Variants in C1orf21 observed in about 807,000 individuals in gnomAD.
C1orf21 encodes the protein uncharacterized protein C1orf21.
A neutral mutation model predicts 18.7 loss-of-function variants in C1orf21; 3 were observed. The observed-to-expected ratio is 0.16, with a 90% CI of 0.07 to 0.42. C1orf21 has a LOEUF of 0.42. Ranked by LOEUF, C1orf21 falls within the 10% of genes least tolerant of loss-of-function variation. The probability of loss-of-function intolerance (pLI) is 0.99; values close to 1 mark genes in which losing one functional copy is unlikely to be tolerated. For missense variants in C1orf21, 104 were observed against 143.6 expected (o/e 0.72, Z 1.41); for synonymous variants, 41 against 46.4 (o/e 0.88, Z 0.47).
chr1:184,595,404 T>C (rs1308307905), intron 4 of C1orf21, among the ~76,000 whole-genome samples: 1 of 152,218 alleles, frequency 6.6e-6, no homozygotes, highest in Non-Finnish European at 1.5e-5. Context: ...ATCAAGTCTT[T>C]ATGCAGGAAC....
chr1:184,525,496 T>C (rs1442626043), intron 3 of C1orf21, among the ~76,000 whole-genome samples: 2 of 152,124 alleles, frequency 1.3e-5, no homozygotes, highest in African/African-American at 4.8e-5. Context: ...GGGTTCCGAC[T>C]GTATAATCAA....
intron 2 of C1orf21, among the ~76,000 whole-genome samples, chr1:184,503,166 GGAAGGAACT>G (rs1434070774): frequency 1.3e-5 from 2 of 150,984 alleles, no homozygotes; most frequent in Non-Finnish European, 2.9e-5. Flanking sequence ...AGCAAACTCT[GGAAGGAACT>G]GAGAATATTT....
At chr1:184,590,713 C>G (rs372714212) in intron 3 of C1orf21, 26 bp from the exon 4 acceptor site, 49 of 1,583,162 alleles carry the variant, frequency 3.1e-5, no homozygotes, top group African/African-American at 5.4e-5. Context: ...TCCTGTCTTT[C>G]ACATGTCTGT....
chr1:184,502,775 T>C (rs1657996354), intron 2 of C1orf21, among the ~76,000 whole-genome samples: 1 of 152,106 alleles, frequency 6.6e-6, no homozygotes, highest in South Asian at 2.1e-4. Context: ...ATCATATTTT[T>C]AGATTATTAG....
chr1:184,410,872 G>A (rs1008273536), intron 1 of C1orf21, among the ~76,000 whole-genome samples: 4 of 148,672 alleles, frequency 2.7e-5, no homozygotes, highest in Non-Finnish European at 3.0e-5. Flanking sequence ...GGCTGGTCTC[G>A]CTCTCCTGAC....
At chr1:184,575,033 G>A (rs1659167780) in intron 3 of C1orf21, among the ~76,000 whole-genome samples, 1 of 152,092 alleles carries the variant, frequency 6.6e-6, no homozygotes, top group Admixed American at 6.5e-5. Context: ...AAGAAACTCG[G>A]GGCTCAACAC....
chr1:184,472,721 A>G (rs1355811670), intron 1 of C1orf21, among the ~76,000 whole-genome samples: 1 of 152,178 alleles, frequency 6.6e-6, no homozygotes, highest in East Asian at 1.9e-4. Context: ...AATTATTATA[A>G]TCTTTCCTTA....
intron 3 of C1orf21, among the ~76,000 whole-genome samples, chr1:184,520,882 T>C (rs1658296812): frequency 6.6e-6 from 1 of 152,136 alleles, no homozygotes; most frequent in South Asian, 2.1e-4. Flanking sequence ...CTAATATAAA[T>C]AGAAATACAG....
chr1:184,510,762 A>T (rs1301141206), intron 3 of C1orf21, among the ~76,000 whole-genome samples: 1 of 152,064 alleles, frequency 6.6e-6, no homozygotes, highest in Non-Finnish European at 1.5e-5. Flanking sequence ...AGTGGATTAA[A>T]TGGAGGCTTT....
chr1:184,558,051 C>T (rs1238831948), intron 3 of C1orf21, among the ~76,000 whole-genome samples: 1 of 152,158 alleles, frequency 6.6e-6, no homozygotes, highest in African/African-American at 2.4e-5. Context: ...CATTTATATC[C>T]TGCTTTACCG....
rs573487051 is a variant in C1orf21 at position 184,603,785 on chromosome 1, G to C, written c.327+5324G>C. The stretch of plus-strand genomic sequence containing the variant: ...CCCTCCAGCCTGGGCGACAGAGCAA[G>C]ACTCCGTGTCAAAAAAGTAAATAAA... On this transcript the variant is annotated intron_variant, in intron 5 of 5. Transcript: ENST00000235307. 5.3e-5 allele frequency among the ~76,000 whole-genome samples: 8 copies of C among 152,328 alleles called. No homozygotes were observed. The East Asian group carries it at 1.5e-3, about 29-fold the overall frequency.
chr1:184,470,419 C>G (rs1228333212), intron 1 of C1orf21, among the ~76,000 whole-genome samples: 2 of 152,164 alleles, frequency 1.3e-5, no homozygotes, highest in African/African-American at 4.8e-5. Flanking sequence ...AAGATACTAA[C>G]AAGGAAATCA....
chr1:184,527,129 A>G (rs975376164), intron 3 of C1orf21, among the ~76,000 whole-genome samples: 1 of 152,212 alleles, frequency 6.6e-6, no homozygotes, highest in Non-Finnish European at 1.5e-5. Context: ...AGTATCGAGA[A>G]ATACCATGTC....
Position 184,625,579 on chromosome 1 carries a change from C to T in C1orf21, c.*6023C>T, listed in dbSNP as rs978179095. The T allele has an allele frequency of 6.6e-6, 1 of 152,500 alleles. No homozygotes were observed. The highest frequency in any genetic ancestry group is 1.5e-5 in the Non-Finnish European group (1 of 68,020). The allele number at this position is 152,500 out of a possible 1,614,324, so 9.4% of individuals were successfully genotyped here. On this transcript the variant is annotated 3_prime_UTR_variant, in exon 6 of 6. Transcript: ENST00000235307. The stretch of plus-strand genomic sequence containing the variant: ...GCATACATACATATACAGAGAGATA[C>T]GTGGAGAAAGGAAATTTACTCTATC...
At chr1:184,456,068 G>T (rs1273917380) in intron 1 of C1orf21, among the ~76,000 whole-genome samples, 1 of 152,154 alleles carries the variant, frequency 6.6e-6, no homozygotes, top group Non-Finnish European at 1.5e-5. Flanking sequence ...CCTCCTCACA[G>T]AATGTTAAAG....
At chr1:184,606,750 C>T (rs923839043) in intron 5 of C1orf21, among the ~76,000 whole-genome samples, 1 of 152,076 alleles carries the variant, frequency 6.6e-6, no homozygotes, top group African/African-American at 2.4e-5. Flanking sequence ...TGAGCCAGGG[C>T]CATGAGAGGC....
chr1:184,567,522 T>C, intron 3 of C1orf21: 1 of 528,374 alleles, frequency 1.9e-6, no homozygotes, highest in Non-Finnish European at 3.8e-6. Flanking sequence ...TCTAACACCA[T>C]CCTCCTTGAC....
chr1:184,562,329 C>T (rs1265141246), intron 3 of C1orf21, among the ~76,000 whole-genome samples: 1 of 152,182 alleles, frequency 6.6e-6, no homozygotes, highest in Non-Finnish European at 1.5e-5. Flanking sequence ...GTTCACTCCA[C>T]CTTTTAAACA....
rs1366635925 is a variant in C1orf21 at position 184,550,024 on chromosome 1, G to A, written c.190-40715G>A. Among the ~76,000 whole-genome samples, 7 of 152,110 alleles carry A rather than the reference G, an allele frequency of 4.6e-5. 1 individual carries two copies. Among genetic ancestry groups the A allele is most frequent in the Non-Finnish European group, 8.8e-5 (6 of 68,018 alleles). On this transcript the variant is annotated intron_variant, in intron 3 of 5. Transcript: ENST00000235307. ...CACTTAATTTTAAAATAGGCTTTGC[G>A]TTACCTGATTTGGCCCAACTGTAGG...
Sources: gnomAD v4.1 joint callset for allele counts (sites outside exome capture counted in the v4.1 genomes callset) on GRCh38, gnomAD v4.1.1 for gene constraint, MANE v1.5 for transcripts, NCBI Gene and HGNC (gene_info 2026-07-23, HGNC 2026-07-21) for gene names.